FOS: variants seen among roughly 807,000 people sequenced by gnomAD.
FOS encodes the protein Fos proto-oncogene, AP-1 transcription factor subunit.
In FOS, 9 loss-of-function variants were observed where a neutral mutation model predicts 27.2. The ratio of observed to expected loss-of-function variants is 0.33; its 90% confidence interval spans 0.20 to 0.58. The LOEUF is 0.58. Among genes scored for constraint, FOS ranks in the 20% least tolerant of loss-of-function variants. The probability of loss-of-function intolerance (pLI) is 0.87; values close to 1 mark genes in which losing one functional copy is unlikely to be tolerated. For missense variants in FOS, 405 were observed against 483.5 expected (o/e 0.84, Z 1.52); for synonymous variants, 213 against 205.1 (o/e 1.04, Z -0.33).
rs745789195 is a variant in FOS, at chr14:75,281,094, C to T, written c.813C>T (p.Asp271=). ...SMELKTEPFD[D]FLFPASSRPS... Reference sequence around the variant, plus strand: ...AGCTGAAGACCGAGCCCTTTGATGACTTCCTGTTCCCAGCATCATCCAGGC... The same window carrying T: ...AGCTGAAGACCGAGCCCTTTGATGATTTCCTGTTCCCAGCATCATCCAGGC... Residue 271 remains aspartate (D), a synonymous_variant, in exon 4 of 4, where the codon GAC becomes GAT. Coordinates refer to ENST00000303562, the MANE Select transcript of FOS (RefSeq NM_005252.4). The surrounding 1 kb of genome is among the most constrained non-coding windows in gnomAD (Gnocchi z 4.7). 2 of 1,609,980 alleles carry T rather than the reference C, an allele frequency of 1.2e-6. No homozygotes were observed. Among genetic ancestry groups the T allele is most frequent in the Non-Finnish European group, 1.7e-6 (2 of 1,180,014 alleles).
Position 75,279,210 on chromosome 14 carries a change from AGGG to A in FOS, c.141+90_141+92del. On this transcript the variant is annotated intron_variant, in intron 1 of 3. Transcript: ENST00000303562. The surrounding 1 kb of genome is among the most constrained non-coding windows in gnomAD (Gnocchi z 5.4). Reference sequence around the variant, plus strand: ...GGGCGGGACGCTCCAGTAGATGAGTAGGGGGCTCCCTTGTGCCTGGAGGGAGGC... The same window carrying A: ...GGGCGGGACGCTCCAGTAGATGAGTAGGCTCCCTTGTGCCTGGAGGGAGGC... The A allele has an allele frequency of 6.4e-7, 1 of 1,560,534 alleles. No homozygotes were observed.
chr14:75,280,434 A>T, intron 2 of FOS, 126 bp from the exon 3 acceptor site: 1 of 769,770 alleles, frequency 1.3e-6, no homozygotes, highest in East Asian at 2.7e-5. Context: ...TGCAGGTCAG[A>T]AATGGTTTCA....
At position 75,279,103 on chromosome 14, in the gene FOS, G is replaced by T. The variant is rs780840095; in HGVS notation, c.121G>T (p.Gly41Cys). ...ACCCGCAGACTCCTTCTCCAGCATG[G>T]GCTCGCCTGTCAACGCGCAGGTAAG... ...HSPADSFSSMGSPVNAQDFCT... is the reference protein window; with the variant it reads ...HSPADSFSSMCSPVNAQDFCT... Residue 41 changes from glycine (G) to cysteine (C), a missense_variant, in exon 1 of 4, where the codon GGC becomes TGC. Transcript: ENST00000303562. The surrounding 1 kb of genome is among the most constrained non-coding windows in gnomAD (Gnocchi z 5.4). 4.3e-6 allele frequency: 7 copies of T among 1,613,460 alleles called. No homozygotes were observed. Among genetic ancestry groups the T allele is most frequent in the Non-Finnish European group, 5.9e-6 (7 of 1,179,916 alleles).
rs1220556028 is a variant in FOS at position 75,280,090 on chromosome 14, C to G, written c.355C>G (p.Arg119Gly). ...AGVVKTMTGG[R>G]AQSIGRRGKV... ...CGTTGTGAAGACCATGACAGGAGGC[C>G]GAGCGCAGAGCATTGGCAGGAGGGG... Residue 119 changes from arginine (R) to glycine (G), a missense_variant, in exon 2 of 4, where the codon CGA (arginine) becomes GGA (glycine). Transcript: ENST00000303562. 3.1e-6 allele frequency: 5 copies of G among 1,613,936 alleles called. No individual in the cohort carries two copies. The highest frequency in any genetic ancestry group is 3.4e-6 in the Non-Finnish European group (4 of 1,180,032).
rs1897193269 is a variant in FOS, at chr14:75,278,929, C to A, written c.-54C>A. ...GCTCCTACCCAGCTCTGCTCCACAGCGCCCACCTGTCTCCGCCCCTCGGCC... is the reference window on the plus strand; with the variant it reads ...GCTCCTACCCAGCTCTGCTCCACAGAGCCCACCTGTCTCCGCCCCTCGGCC... On this transcript the variant is annotated 5_prime_UTR_variant, in exon 1 of 4. Transcript: ENST00000303562. This position sits in a 1 kb window ranked among gnomAD's most constrained non-coding sequence, Gnocchi z 4.1. The A allele has an allele frequency of 1.2e-6, 2 of 1,606,290 alleles. No individual in the cohort carries two copies. Among genetic ancestry groups the A allele is most frequent in the Admixed American group, 1.7e-5 (1 of 59,490 alleles).
chr14:75,281,322 G>C lies in FOS; in HGVS notation c.1041G>C (p.Glu347Asp), dbSNP rs770133432. The C allele has an allele frequency of 6.2e-7, 1 of 1,609,678 alleles. No individual in the cohort carries two copies. Among genetic ancestry groups the C allele is most frequent in the Non-Finnish European group, 8.5e-7 (1 of 1,179,986 alleles). Residue 347 changes from glutamate to aspartate, a missense_variant, in exon 4 of 4, where the codon GAG becomes GAC. Physicochemically the swap from Glu to Asp is conservative, Grantham distance 45. Coordinates refer to ENST00000303562, the MANE Select transcript of FOS (RefSeq NM_005252.4). The surrounding 1 kb of genome is among the most constrained non-coding windows in gnomAD (Gnocchi z 4.7). ...YTSSFVFTYP[E>D]ADSFPSCAAA... ...CTTCCTTCGTCTTCACCTACCCCGA[G>C]GCTGACTCCTTCCCCAGCTGTGCAG...
At chr14:75,280,345 G>C (rs1021048802) in intron 2 of FOS, 14 of 703,816 alleles carry the variant, frequency 2.0e-5, no homozygotes, top group South Asian at 1.1e-4. Flanking sequence ...GTTTCTTACC[G>C]CATGCTTTCA....
Position 75,279,146 on chromosome 14 carries a change from G to A in FOS, c.141+23G>A. 1 of 1,610,954 alleles carries A rather than the reference G, an allele frequency of 6.2e-7. No homozygotes were observed. Among genetic ancestry groups the A allele is most frequent in the Non-Finnish European group, 8.5e-7 (1 of 1,179,776 alleles). ...CAGGTAAGGCTGGCTTCCCGTCGCC[G>A]CGGGGCCGGGGGCTTGGGGTCGCGG... On this transcript the variant is annotated intron_variant, in intron 1 of 3. Transcript: ENST00000303562. This position sits in a 1 kb window ranked among gnomAD's most constrained non-coding sequence, Gnocchi z 5.4.
At chr14:75,280,202 C>A in intron 2 of FOS, 74 bp downstream of exon 2, 1 of 1,600,188 alleles carries the variant, frequency 6.2e-7, no homozygotes, top group Non-Finnish European at 8.5e-7. Flanking sequence ...TGCAGGAGCC[C>A]AGTACAGAGG....
intron 2 of FOS, 129 bp from the exon 3 acceptor site, chr14:75,280,431 C>T (rs1897214466): frequency 1.3e-6 from 1 of 756,584 alleles, no homozygotes. Context: ...AACTGCAGGT[C>T]AGAAATGGTT....
chr14:75,279,780 G>A lies in FOS; in HGVS notation c.142-97G>A, dbSNP rs921207034. 4.3e-6 allele frequency: 6 copies of A among 1,384,222 alleles called. No homozygotes were observed. Among genetic ancestry groups the A allele is most frequent in the African/African-American group, 1.5e-5 (1 of 68,946 alleles). 85.7% of individuals were successfully genotyped at this position (1,384,222 alleles called of 1,614,324 possible). A position where few individuals can be genotyped will look rare whatever the true frequency, so the allele number is the denominator to read the frequency against. On this transcript the variant is annotated intron_variant, in intron 1 of 3. Coordinates refer to ENST00000303562, the MANE Select transcript of FOS (RefSeq NM_005252.4). The surrounding 1 kb of genome is among the most constrained non-coding windows in gnomAD (Gnocchi z 5.4). ...AAGATGAAATGTCCGTGGCAGGATC[G>A]TTTCTCTTCACTGCTGCATGCGGCA...
Position 75,279,579 on chromosome 14 carries a change from G to A in FOS, c.142-298G>A, listed in dbSNP as rs1594901654. On this transcript the variant is annotated intron_variant, in intron 1 of 3. Coordinates refer to ENST00000303562, the MANE Select transcript of FOS (RefSeq NM_005252.4). This position sits in a 1 kb window ranked among gnomAD's most constrained non-coding sequence, Gnocchi z 5.4. The stretch of plus-strand genomic sequence containing the variant: ...AAAGCGAGTTCATTCTGGAGACTCC[G>A]GAGCGGCGCCTGCGTCAGCGCAGAC... The A allele has an allele frequency of 4.1e-6, 2 of 485,534 alleles. No individual in the cohort carries two copies. The highest frequency in any genetic ancestry group is 3.7e-6 in the Non-Finnish European group (1 of 273,400). The allele number at this position is 485,534 out of a possible 1,614,324, so 30.1% of individuals were successfully genotyped here. A position where few individuals can be genotyped will look rare whatever the true frequency, so the allele number is the denominator to read the frequency against.
rs1325819720 is a variant in FOS, at chr14:75,279,275, G to C, written c.141+152G>C. ...GAGCGGTGCCGGCTCGGGGGCTCGG[G>C]ACTTGCTCTGAGCGCACGCACGCTT... On this transcript the variant is annotated intron_variant, in intron 1 of 3. Coordinates refer to ENST00000303562, the MANE Select transcript of FOS (RefSeq NM_005252.4). This position sits in a 1 kb window ranked among gnomAD's most constrained non-coding sequence, Gnocchi z 5.4. 1.0e-6 allele frequency: 1 copy of C among 994,050 alleles called. No homozygotes were observed. Among genetic ancestry groups the C allele is most frequent in the South Asian group, 1.4e-5 (1 of 69,408 alleles). The allele number at this position is 994,050 out of a possible 1,614,324, so 61.6% of individuals were successfully genotyped here.
Position 75,280,812 on chromosome 14 carries a change from T to C in FOS, c.531T>C (p.Ser177=). Reference sequence around the variant, plus strand: ...CAGACCAACTAGAAGATGAGAAGTCTGCTTTGCAGACCGAGATTGCCAACC... The same window carrying C: ...CAGACCAACTAGAAGATGAGAAGTCCGCTTTGCAGACCGAGATTGCCAACC... ...AETDQLEDEK[S]ALQTEIANLL... is the part of the protein sequence containing the mutation. The change falls in exon 4 of 4, where the codon TCT becomes TCC. Residue 177 remains serine (S), a synonymous_variant. Coordinates refer to ENST00000303562, the MANE Select transcript of FOS (RefSeq NM_005252.4). The C allele has an allele frequency of 6.2e-7, 1 of 1,614,158 alleles. No individual in the cohort carries two copies. The highest frequency in any genetic ancestry group is 8.5e-7 in the Non-Finnish European group (1 of 1,180,026).
intron 2 of FOS, 191 bp from the exon 3 acceptor site, chr14:75,280,369 T>G: frequency 1.5e-6 from 1 of 679,632 alleles, no homozygotes; most frequent in Non-Finnish European, 2.5e-6. Context: ...TGGGCTCTTC[T>G]TTGTTCTCTT....
At position 75,278,831 on chromosome 14, in the gene FOS, C is replaced by T; in HGVS notation, c.-152C>T. Reference sequence around the variant, plus strand: ...TGGCTGCGGCGCCTCGTACTCCAACCGCATCTGCAGCGAGCATCTGAGAAG... The same window carrying T: ...TGGCTGCGGCGCCTCGTACTCCAACTGCATCTGCAGCGAGCATCTGAGAAG... On this transcript the variant is annotated 5_prime_UTR_variant, in exon 1 of 4. Coordinates refer to ENST00000303562, the MANE Select transcript of FOS (RefSeq NM_005252.4). This position sits in a 1 kb window ranked among gnomAD's most constrained non-coding sequence, Gnocchi z 4.1. 2.5e-6 allele frequency: 2 copies of T among 798,920 alleles called. No individual in the cohort carries two copies. Among genetic ancestry groups the T allele is most frequent in the Admixed American group, 2.8e-5 (1 of 35,258 alleles). 49.5% of individuals were successfully genotyped at this position (798,920 alleles called of 1,614,324 possible).
Position 75,281,393 on chromosome 14 carries a change from C to G in FOS, c.1112C>G (p.Ser371Trp). ...AGCAGCAATGAGCCTTCCTCTGACT[C>G]GCTCAGCTCACCCACGCTGCTGGCC... ...GSSSNEPSSD[S>W]LSSPTLLAL The change falls in exon 4 of 4, where the codon TCG becomes TGG. Residue 371 changes from serine (S) to tryptophan (W), a missense_variant. Coordinates refer to ENST00000303562, the MANE Select transcript of FOS (RefSeq NM_005252.4). The surrounding 1 kb of genome is among the most constrained non-coding windows in gnomAD (Gnocchi z 4.7). 1 of 1,611,700 alleles carries G rather than the reference C, an allele frequency of 6.2e-7. No homozygotes were observed. The highest frequency in any genetic ancestry group is 8.5e-7 in the Non-Finnish European group (1 of 1,179,974).
chr14:75,279,119 C>G lies in FOS; in HGVS notation c.137C>G (p.Ala46Gly). The change falls in exon 1 of 4, where the codon GCG becomes GGG. Residue 46 changes from alanine (A) to glycine (G), a missense_variant. Transcript: ENST00000303562. The surrounding 1 kb of genome is among the most constrained non-coding windows in gnomAD (Gnocchi z 5.4). ...TCCAGCATGGGCTCGCCTGTCAACG[C>G]GCAGGTAAGGCTGGCTTCCCGTCGC... is the stretch of plus-strand genomic sequence containing the variant. ...SFSSMGSPVN[A>G]QDFCTDLAVS... 6.2e-7 allele frequency: 1 copy of G among 1,613,156 alleles called. No individual in the cohort carries two copies. Among genetic ancestry groups the G allele is most frequent in the Non-Finnish European group, 8.5e-7 (1 of 1,179,888 alleles).
In FOS at chr14:75,280,117, A is replaced by G. The variant is rs1897210446; in HGVS notation, c.382A>G (p.Lys128Glu). 1.9e-6 allele frequency: 3 copies of G among 1,613,846 alleles called. No individual in the cohort carries two copies. Among genetic ancestry groups the G allele is most frequent in the Non-Finnish European group, 2.5e-6 (3 of 1,180,002 alleles). Residue 128 changes from lysine (K) to glutamate (E), a missense_variant, in exon 2 of 4, where the codon AAG becomes GAG. Lys to Glu is a moderately conservative substitution (Grantham distance 56, BLOSUM62 1). Transcript: ENST00000303562. ...AGCGCAGAGCATTGGCAGGAGGGGC[A>G]AGGTGGAACAGGTGAGGAACTCTAG... ...GRAQSIGRRG[K>E]VEQLSPEEEE...
Sources: allele counts gnomAD v4.1 joint callset, GRCh38; gene constraint gnomAD v4.1.1; non-coding constraint Gnocchi (gnomAD v3.1); transcripts MANE v1.5; gene names NCBI Gene and HGNC (gene_info 2026-07-23, HGNC 2026-07-21).